Variants in WDR59 observed in about 807,000 individuals in gnomAD.
WDR59 encodes the protein WD repeat domain 59, also known as GATOR2 complex protein WDR59.
Under a neutral mutation model 131.2 loss-of-function variants are expected in WDR59, and 100 were observed. That is an observed-to-expected ratio of 0.76 (90% CI 0.65 to 0.90). WDR59 has a LOEUF of 0.90. WDR59 is among the 40% of genes least tolerant of loss of function. The pLI, the probability that WDR59 is intolerant of heterozygous loss-of-function variation, is 0.00. For missense variants in WDR59, 1,203 were observed against 1,262.2 expected, an observed-to-expected ratio of 0.95 and a Z score of 0.71; for synonymous variants, 601 against 466.2, an observed-to-expected ratio of 1.29 and a Z score of -3.72.
chr16:74,950,264 T>A lies in WDR59; in HGVS notation c.327-466A>T, dbSNP rs571620118. Among the ~76,000 whole-genome samples the A allele has an allele frequency of 4.6e-5, 7 of 152,224 alleles. No individual in the cohort carries two copies. In the South Asian group the frequency reaches 1.0e-3, roughly 23 times the overall value. On this transcript the variant is annotated intron_variant, in intron 4 of 25. Transcript: ENST00000262144. Reference sequence around the variant, plus strand: ...ATCATTTGAACCTGGGAGGCAGATGTTGCAGTGAGCTGAGATCGTGCCACT... The same window carrying A: ...ATCATTTGAACCTGGGAGGCAGATGATGCAGTGAGCTGAGATCGTGCCACT...
intron 20 of WDR59, among the ~76,000 whole-genome samples, chr16:74,891,599 A>C (rs192325850): frequency 8.7e-4 from 133 of 152,332 alleles, no homozygotes; most frequent in African/African-American, 2.9e-3. Context: ...ACTCTTTGCA[A>C]AACAGTAAAC....
At chr16:74,927,481 G>A (rs948532552) in intron 8 of WDR59, among the ~76,000 whole-genome samples, 7 of 151,386 alleles carry the variant, frequency 4.6e-5, no homozygotes, top group Non-Finnish European at 1.0e-4. Context: ...CCAGCTACTT[G>A]CGAGGCTGAG....
intron 8 of WDR59, among the ~76,000 whole-genome samples, chr16:74,928,673 G>A (rs1158973651): frequency 6.6e-6 from 1 of 152,022 alleles, no homozygotes; most frequent in Non-Finnish European, 1.5e-5. Context: ...AGGCCAAGGC[G>A]GGCAGATCAC....
At chr16:74,965,218 T>C (rs764679930) in intron 2 of WDR59, among the ~76,000 whole-genome samples, 16 of 152,192 alleles carry the variant, frequency 1.1e-4, no homozygotes, top group Non-Finnish European at 2.1e-4. Flanking sequence ...TTTATCCCAA[T>C]AGTACGATGT....
chr16:74,980,085 C>T (rs763068080), intron 1 of WDR59, among the ~76,000 whole-genome samples: 3 of 150,336 alleles, frequency 2.0e-5, no homozygotes, highest in African/African-American at 4.9e-5. Flanking sequence ...GGTCTCGACT[C>T]CTGACACAGG....
chr16:74,919,462 G>A (rs940989847), intron 10 of WDR59, among the ~76,000 whole-genome samples: 3 of 151,498 alleles, frequency 2.0e-5, no homozygotes, highest in African/African-American at 7.3e-5. Context: ...CCTCCAGGGT[G>A]GCTGAGATTA....
chr16:74,901,246 A>G (rs946372596), intron 18 of WDR59, among the ~76,000 whole-genome samples: 10 of 151,890 alleles, frequency 6.6e-5, no homozygotes, highest in African/African-American at 1.9e-4. Flanking sequence ...TCATCTCTAC[A>G]AAACACAGAC....
At chr16:74,932,135 C>T (rs2031447246) in intron 8 of WDR59, among the ~76,000 whole-genome samples, 1 of 150,698 alleles carries the variant, frequency 6.6e-6, no homozygotes, top group Non-Finnish European at 1.5e-5. Flanking sequence ...TCACTCTTAC[C>T]TAAACTGGAG....
At chr16:74,956,790 C>T (rs2033313004) in intron 2 of WDR59, among the ~76,000 whole-genome samples, 180 bp from the exon 3 acceptor site, 1 of 152,210 alleles carries the variant, frequency 6.6e-6, no homozygotes, top group Admixed American at 6.5e-5. Context: ...AGGTGGCTGT[C>T]ACACAAAGGG....
At chr16:74,935,815 G>C (rs2031752182) in intron 8 of WDR59, among the ~76,000 whole-genome samples, 1 of 151,976 alleles carries the variant, frequency 6.6e-6, no homozygotes, top group Non-Finnish European at 1.5e-5. Context: ...TGGCCAACAT[G>C]GTGAAACCCC....
rs889318778 is a variant in WDR59, at chr16:74,984,790, C to T, written c.54+174G>A. 7.5e-5 allele frequency: 64 copies of T among 858,902 alleles called. No homozygotes were observed. In the African/African-American group the frequency reaches 1.1e-3, roughly 14 times the overall value. 53.2% of individuals were successfully genotyped at this position (858,902 alleles called of 1,614,324 possible). ...CGTCCATGCTCGCCCCGATTGCCCC[C>T]GATGGTCGTCTTCCCTCCCCCGACG... is the stretch of plus-strand genomic sequence containing the variant. On this transcript the variant is annotated intron_variant, in intron 1 of 25. Transcript: ENST00000262144.
intron 24 of WDR59, chr16:74,886,048 T>G (rs1284692492): frequency 1.7e-5 from 11 of 659,678 alleles, no homozygotes; most frequent in Non-Finnish European, 2.7e-5. Context: ...CATGGTGGCG[T>G]GTGCCTGTAA....
intron 18 of WDR59, 156 bp from the exon 19 acceptor site, chr16:74,893,968 G>A: frequency 1.2e-6 from 1 of 837,634 alleles, no homozygotes; most frequent in African/African-American, 1.7e-5. Context: ...GGAAATAAAA[G>A]GATGAGCTCT....
intron 6 of WDR59, among the ~76,000 whole-genome samples, chr16:74,945,778 G>C (rs917430311): frequency 6.6e-6 from 1 of 150,812 alleles, no homozygotes; most frequent in Non-Finnish European, 1.5e-5. Flanking sequence ...ACAAGGAGAC[G>C]TTCTGAGAGA....
intron 1 of WDR59, among the ~76,000 whole-genome samples, chr16:74,981,742 G>A (rs1445070528): frequency 7.5e-6 from 1 of 132,874 alleles, no homozygotes; most frequent in Non-Finnish European, 1.6e-5. Flanking sequence ...TGCAACCTCT[G>A]CCTCCCAGGT....
Position 74,938,262 on chromosome 16 carries a change from G to C in WDR59, c.539C>G (p.Pro180Arg). 2.0e-6 allele frequency: 3 copies of C among 1,527,920 alleles called. No individual in the cohort carries two copies. Among genetic ancestry groups the C allele is most frequent in the South Asian group, 1.3e-5 (1 of 79,082 alleles). The allele number at this position is 1,527,920 out of a possible 1,614,324, so 94.6% of individuals were successfully genotyped here. A position where few individuals can be genotyped will look rare whatever the true frequency, so the allele number is the denominator to read the frequency against. Residue 180 changes from proline to arginine, a missense_variant, in exon 8 of 26, where the codon CCC (proline) becomes CGC (arginine). Physicochemically the swap from Pro to Arg is moderately radical, Grantham distance 103 (BLOSUM62 -2). Coordinates refer to ENST00000262144, the MANE Select transcript of WDR59 (RefSeq NM_030581.4). ...GDVRIWDKRKPSTAVEYLAAH... is the reference protein window; with the variant it reads ...GDVRIWDKRKRSTAVEYLAAH... Reference sequence around the variant, plus strand: ...GGCTAGATATTCCACTGCTGTACTGGGTTTCTGCAACAGATCAGCACCTAA... The same window carrying C: ...GGCTAGATATTCCACTGCTGTACTGCGTTTCTGCAACAGATCAGCACCTAA...
At chr16:74,973,056 A>C (rs1198360317) in intron 1 of WDR59, among the ~76,000 whole-genome samples, 2 of 151,790 alleles carry the variant, frequency 1.3e-5, no homozygotes, top group African/African-American at 4.8e-5. Flanking sequence ...CCTGACCAAC[A>C]AGGAGAAACC....
At chr16:74,907,009 A>T (rs1336101984) in intron 17 of WDR59, among the ~76,000 whole-genome samples, 6 of 152,220 alleles carry the variant, frequency 3.9e-5, no homozygotes, top group Non-Finnish European at 8.8e-5. Context: ...CCTCCAATCC[A>T]AAGTCCAGAT....
At chr16:74,912,475 T>C in intron 13 of WDR59, 113 bp from the exon 14 acceptor site, 1 of 1,121,010 alleles carries the variant, frequency 8.9e-7, no homozygotes, top group Non-Finnish European at 1.2e-6. Context: ...AGGGAAAGAG[T>C]CTACAAAGAC....
Sources: gnomAD v4.1 joint callset for allele counts (sites outside exome capture counted in the v4.1 genomes callset) on GRCh38, gnomAD v4.1.1 for gene constraint, MANE v1.5 for transcripts, NCBI Gene and HGNC (gene_info 2026-07-23, HGNC 2026-07-21) for gene names.